The following EPM2A variants were observed in gnomAD, a reference collection of about 807,000 sequenced individuals.
EPM2A encodes EPM2A glucan phosphatase, laforin.
In EPM2A, 21 loss-of-function variants were observed where a neutral mutation model predicts 26.5. The ratio of observed to expected loss-of-function variants is 0.79; its 90% confidence interval spans 0.56 to 1.14. The LOEUF (loss-of-function observed/expected upper bound fraction) is 1.14, where lower values mean the gene tolerates loss of function less well. EPM2A is among the 50% of genes most tolerant of loss of function. The pLI, the probability that EPM2A is intolerant of heterozygous loss-of-function variation, is 0.00. For missense variants in EPM2A, 458 were observed against 440.8 expected, an observed-to-expected ratio of 1.04 and a Z score of -0.35; for synonymous variants, 217 against 177.6, an observed-to-expected ratio of 1.22 and a Z score of -1.76.
At chr6:145,604,167 G>T (rs554714297) in intron 2 of EPM2A, among the ~76,000 whole-genome samples, 1 of 152,158 alleles carries the variant, frequency 6.6e-6, no homozygotes, top group Non-Finnish European at 1.5e-5. Context: ...CCATTAAAAA[G>T]TTTATGCTCT....
chr6:145,436,017 A>G (rs1778984816), intron 4 of EPM2A, among the ~76,000 whole-genome samples: 1 of 152,124 alleles, frequency 6.6e-6, no homozygotes, highest in African/African-American at 2.4e-5. Flanking sequence ...GGTTTTTACA[A>G]ATGTAAAATG....
chr6:145,630,214 T>G (rs1471978884), intron 3 of EPM2A: 1 of 152,180 alleles, frequency 6.6e-6, no homozygotes, highest in Non-Finnish European at 1.5e-5. Context: ...CTCACACAGA[T>G]TTCAGCATTG....
At chr6:145,621,358 G>C (rs987810935), downstream of EPM2A, among the ~76,000 whole-genome samples, 1 of 152,104 alleles carries the variant, frequency 6.6e-6, no homozygotes, top group African/African-American at 2.4e-5. Context: ...TGGATACTTA[G>C]TTACCATACT....
At chr6:145,689,495 A>T (rs979137523) in intron 1 of EPM2A, among the ~76,000 whole-genome samples, 1 of 152,224 alleles carries the variant, frequency 6.6e-6, no homozygotes, top group African/African-American at 2.4e-5. Context: ...AGACCTAAGT[A>T]TTGAGTTCCC....
intron 2 of EPM2A, among the ~76,000 whole-genome samples, chr6:145,647,901 T>G (rs1258462865): frequency 6.6e-6 from 1 of 152,232 alleles, no homozygotes; most frequent in East Asian, 1.9e-4. Context: ...TTTGTTGAAT[T>G]TAGCTCAAAA....
intron 2 of EPM2A, chr6:145,670,267 A>C (rs1779547235): frequency 6.6e-6 from 1 of 152,170 alleles, no homozygotes; most frequent in Admixed American, 6.6e-5. Context: ...ATTTTACAGT[A>C]AAACCACCAT....
chr6:145,564,736 A>G (rs1030603252), intron 2 of EPM2A, among the ~76,000 whole-genome samples: 1 of 135,044 alleles, frequency 7.4e-6, no homozygotes, highest in African/African-American at 2.8e-5. Context: ...GCAGATATGT[A>G]TGAGTACACA....
At chr6:145,461,296 G>C (rs1279532581) in intron 4 of EPM2A, among the ~76,000 whole-genome samples, 1 of 152,128 alleles carries the variant, frequency 6.6e-6, no homozygotes, top group Non-Finnish European at 1.5e-5. Context: ...ACTTTTCTTT[G>C]CTTGGAGTGC....
In EPM2A at chr6:145,425,034, A is replaced by G. The variant is rs143002863; in HGVS notation, c.556-40937T>C. 3.8e-3 allele frequency among the ~76,000 whole-genome samples: 582 copies of G among 152,264 alleles called. 2 individuals are homozygous for G. The highest frequency in any genetic ancestry group is 0.014 in the Middle Eastern group (4 of 294). On this transcript the variant is annotated intron_variant, in intron 4 of 4. Transcript: ENST00000638717. ...TATATAAAAGGCCACATATCTATAT[A>G]CAGTACAGTACCATATGCGATTGAG...
chr6:145,671,219 T>C (rs145103040), intron 2 of EPM2A: 1 of 1,028,914 alleles, frequency 9.7e-7, no homozygotes, highest in Non-Finnish European at 1.2e-6. Flanking sequence ...CTTATCATTA[T>C]ACAAGAAGTG....
intron 2 of EPM2A, among the ~76,000 whole-genome samples, chr6:145,673,607 C>T (rs967966384): frequency 6.6e-6 from 1 of 152,216 alleles, no homozygotes; most frequent in Non-Finnish European, 1.5e-5. Flanking sequence ...TAGCAACCAG[C>T]AAACCATGAG....
chr6:145,543,163 C>A (rs934472189), intron 2 of EPM2A, among the ~76,000 whole-genome samples: 1 of 152,030 alleles, frequency 6.6e-6, no homozygotes, highest in African/African-American at 2.4e-5. Flanking sequence ...AAAAGATGAG[C>A]AATATGGCCT....
chr6:145,457,081 T>C (rs1031712768), intron 4 of EPM2A, among the ~76,000 whole-genome samples: 6 of 152,242 alleles, frequency 3.9e-5, no homozygotes, highest in African/African-American at 1.4e-4. Context: ...GCTCGCTTCA[T>C]GCTCACAACA....
intron 1 of EPM2A, among the ~76,000 whole-genome samples, chr6:145,731,901 GAATTATCAGCCACAGCTGAT>G (rs1397229424): frequency 6.6e-6 from 1 of 152,076 alleles, no homozygotes; most frequent in Non-Finnish European, 1.5e-5. Flanking sequence ...TTTCACATTA[GAATTATCAGCCACAGCTGAT>G]AATTATCAGC....
chr6:145,707,156 T>G (rs1782268832), intron 1 of EPM2A, among the ~76,000 whole-genome samples: 2 of 152,214 alleles, frequency 1.3e-5, no homozygotes, highest in Admixed American at 1.3e-4. Flanking sequence ...TAAGGTATTT[T>G]TGTTATAGCA....
chr6:145,461,163 C>G (rs1451664230), intron 4 of EPM2A, among the ~76,000 whole-genome samples: 1 of 152,146 alleles, frequency 6.6e-6, no homozygotes, highest in African/African-American at 2.4e-5. Flanking sequence ...GAAGACTAAA[C>G]AATATTTCTA....
chr6:145,685,099 AC>A (rs1260348841), intron 2 of EPM2A, among the ~76,000 whole-genome samples: 1 of 152,164 alleles, frequency 6.6e-6, no homozygotes, highest in African/African-American at 2.4e-5. Context: ...AATAAATAAC[AC>A]TTACATAATA....
chr6:145,675,214 A>G (rs1466361043), intron 2 of EPM2A, among the ~76,000 whole-genome samples: 1 of 152,200 alleles, frequency 6.6e-6, no homozygotes, highest in Non-Finnish European at 1.5e-5. Context: ...GAAATAAAAT[A>G]CTTTACAGAC....
rs370078980 is a variant in EPM2A, at chr6:145,654,522, C to CA, written c.477-19037dup. ...AAAATTTTCTCAATTGTAGGAAATA[C>CA]AAAAAAGTTTTGATCTGCCATACTC... On this transcript the variant is annotated intron_variant, in intron 2 of 3. Coordinates refer to ENST00000367519, the MANE Select transcript of EPM2A (RefSeq NM_005670.4). Among the ~76,000 whole-genome samples the CA allele has an allele frequency of 1.6e-4, 24 of 152,194 alleles. 1 individual carries two copies. Among genetic ancestry groups the CA allele is most frequent in the African/African-American group, 5.8e-4 (24 of 41,532 alleles).
Sources: allele counts gnomAD v4.1 joint callset (sites outside exome capture counted in the v4.1 genomes callset), GRCh38; gene constraint gnomAD v4.1.1; transcripts MANE v1.5; gene names NCBI Gene and HGNC (gene_info 2026-07-23, HGNC 2026-07-21).